Variants in HMGXB4 observed in about 807,000 individuals in gnomAD.
HMGXB4 encodes HMG domain-containing protein 4.
Under a neutral mutation model 63.9 loss-of-function variants are expected in HMGXB4, and 27 were observed. That is an observed-to-expected ratio of 0.42 (90% CI 0.31 to 0.58). The LOEUF (loss-of-function observed/expected upper bound fraction) is 0.58. Ranked by LOEUF, HMGXB4 falls within the 20% of genes least tolerant of loss-of-function variation. The pLI, the probability that HMGXB4 is intolerant of heterozygous loss-of-function variation, is 0.13. For missense variants in HMGXB4, 624 were observed against 700.7 expected, an observed-to-expected ratio of 0.89 and a Z score of 1.24; for synonymous variants, 264 against 265.3, an observed-to-expected ratio of 0.99 and a Z score of 0.05.
intron 5 of HMGXB4, among the ~76,000 whole-genome samples, chr22:35,270,304 C>T (rs527781294): frequency 1.3e-5 from 2 of 152,296 alleles, no homozygotes; most frequent in East Asian, 3.9e-4. Context: ...TTATGAGAAT[C>T]TAATGCCCGA....
chr22:35,251,087 T>C, the HMGXB4 span, among the ~76,000 whole-genome samples: 1 of 151,830 alleles, frequency 6.6e-6, no homozygotes, highest in Admixed American at 6.6e-5. Flanking sequence ...TGTTTTTTTT[T>C]TTTTTGAGAC....
rs142652552 is a variant in HMGXB4, at chr22:35,259,747, G to A, written c.-69+2190G>A. ...TTAATTTTAGTTTTTCAAGCTCTTG[G>A]CTGCCCCAGTTCTTCAGTGAATTGG... On this transcript the variant is annotated intron_variant, in intron 1 of 10. Coordinates refer to ENST00000216106, the MANE Select transcript of HMGXB4 (RefSeq NM_001003681.3). Among the ~76,000 whole-genome samples the A allele has an allele frequency of 4.8e-3, 726 of 152,314 alleles. 1 individual carries two copies. The highest frequency in any genetic ancestry group is 8.0e-3 in the Non-Finnish European group (541 of 68,018).
At chr22:35,285,952 T>C (rs1253208448) in intron 6 of HMGXB4, 45 bp from the exon 7 acceptor site, 1 of 1,384,486 alleles carries the variant, frequency 7.2e-7, no homozygotes, top group Non-Finnish European at 1.0e-6. Context: ...ATTTTGTTAA[T>C]AGCTAACCCT....
chr22:35,267,119 T>C (rs2413329), intron 5 of HMGXB4, among the ~76,000 whole-genome samples: 1 of 146,878 alleles, frequency 6.8e-6, no homozygotes, highest in Non-Finnish European at 1.5e-5. Flanking sequence ...TCTGTAGATC[T>C]ATATCTGTTT....
upstream of HMGXB4, chr22:35,257,488 C>CT (rs891899675): frequency 1.3e-5 from 2 of 152,836 alleles, no homozygotes; most frequent in African/African-American, 4.8e-5. Flanking sequence ...GCCGCTCGCG[C>CT]TTTTCTCTCC....
intron 5 of HMGXB4, among the ~76,000 whole-genome samples, chr22:35,270,110 A>G (rs1349480092): frequency 1.3e-5 from 2 of 152,258 alleles, no homozygotes; most frequent in African/African-American, 4.8e-5. Flanking sequence ...ACCACAGACC[A>G]GTAGCCGTCC....
chr22:35,263,199 C>T lies in HMGXB4; in HGVS notation c.153C>T (p.Val51=). 1 of 1,612,824 alleles carries T rather than the reference C, an allele frequency of 6.2e-7. No individual in the cohort carries two copies. Among genetic ancestry groups the T allele is most frequent in the Non-Finnish European group, 8.5e-7 (1 of 1,179,658 alleles). The part of the protein sequence containing the change: ...LREEEEIAAQ[V]RNSSKKKLKD... ...AAGAGGAAGAAATTGCTGCTCAGGT[C>T]AGGAATTCTTCCAAGAAGAAGTTGA... Residue 51 remains valine (V), a synonymous_variant, in exon 3 of 11, where the codon GTC becomes GTT. Coordinates refer to ENST00000216106, the MANE Select transcript of HMGXB4 (RefSeq NM_001003681.3).
At chr22:35,248,239 G>T in the HMGXB4 span, among the ~76,000 whole-genome samples, 1 of 152,100 alleles carries the variant, frequency 6.6e-6, no homozygotes, top group Non-Finnish European at 1.5e-5. Context: ...CCTGAGGCTG[G>T]GTAATGTGTA....
the HMGXB4 span, among the ~76,000 whole-genome samples, chr22:35,248,401 C>CTT: frequency 3.9e-3 from 403 of 102,904 alleles, 6 homozygotes; most frequent in African/African-American, 0.011. Context: ...GAGGTCGGGA[C>CTT]TTTTTTTTTT....
intron 5 of HMGXB4, among the ~76,000 whole-genome samples, chr22:35,267,120 A>G (rs2413330): frequency 1.4e-5 from 2 of 146,394 alleles, no homozygotes; most frequent in Admixed American, 1.4e-4. Flanking sequence ...CTGTAGATCT[A>G]TATCTGTTTA....
chr22:35,241,549 G>A, the HMGXB4 span, among the ~76,000 whole-genome samples: 2 of 152,248 alleles, frequency 1.3e-5, no homozygotes, highest in South Asian at 2.1e-4. Flanking sequence ...TCCCGGTGGT[G>A]CCAGGCAGGA....
chr22:35,276,012 C>A (rs1216341089), intron 5 of HMGXB4, among the ~76,000 whole-genome samples: 1 of 152,124 alleles, frequency 6.6e-6, no homozygotes, highest in East Asian at 1.9e-4. Context: ...ACTGGCCTTG[C>A]ATTTGGAATC....
chr22:35,278,622 G>A (rs1247769336), intron 5 of HMGXB4, among the ~76,000 whole-genome samples: 2 of 151,098 alleles, frequency 1.3e-5, no homozygotes, highest in East Asian at 3.9e-4. Context: ...CTGGGGTCTG[G>A]GGCTTTTAAA....
At chr22:35,262,624 AG>A (rs1403755762) in intron 2 of HMGXB4, 1 of 598,132 alleles carries the variant, frequency 1.7e-6, no homozygotes, top group Non-Finnish European at 3.0e-6. Flanking sequence ...CCAACACGAG[AG>A]TCTGAAATAT....
At chr22:35,292,490 C>T (rs966214176) in intron 9 of HMGXB4, among the ~76,000 whole-genome samples, 5 of 152,188 alleles carry the variant, frequency 3.3e-5, no homozygotes, top group Non-Finnish European at 7.3e-5. Context: ...ATATGAATTA[C>T]ATAAAATGTT....
At chr22:35,257,289 G>A (rs1436917852), upstream of HMGXB4, among the ~76,000 whole-genome samples, 1 of 152,222 alleles carries the variant, frequency 6.6e-6, no homozygotes, top group African/African-American at 2.4e-5. Context: ...AATACAGTGA[G>A]GATTAAGTGA....
chr22:35,277,970 A>G (rs569956549), intron 5 of HMGXB4, among the ~76,000 whole-genome samples: 1 of 152,314 alleles, frequency 6.6e-6, no homozygotes, highest in South Asian at 2.1e-4. Flanking sequence ...TCACAGTCTC[A>G]GGCAGAGTAT....
chr22:35,287,096 T>G, intron 7 of HMGXB4: 1 of 408,706 alleles, frequency 2.4e-6, no homozygotes, highest in Non-Finnish European at 4.6e-6. Flanking sequence ...CAACTTAGAG[T>G]GATCTAAAAA....
At position 35,269,394 on chromosome 22, in the gene HMGXB4, A is replaced by G. The variant is rs540851251; in HGVS notation, c.1215+3791A>G. 2.0e-4 allele frequency among the ~76,000 whole-genome samples: 31 copies of G among 152,352 alleles called. 1 individual carries two copies. In the South Asian group the frequency reaches 6.2e-3, roughly 31 times the overall value. On this transcript the variant is annotated intron_variant, in intron 5 of 10. Transcript: ENST00000216106. The stretch of plus-strand genomic sequence containing the variant: ...CTGTCTCAAAACAAACAAACAAAAT[A>G]GAATTCATAGAAGGGGCTACACCCA...
Sources: allele counts gnomAD v4.1 joint callset (sites outside exome capture counted in the v4.1 genomes callset), GRCh38; gene constraint gnomAD v4.1.1; transcripts MANE v1.5; gene names NCBI Gene and HGNC (gene_info 2026-07-23, HGNC 2026-07-21).